ERCC8: variants seen among roughly 807,000 people sequenced by gnomAD.
ERCC8 encodes ERCC excision repair 8, CSA ubiquitin ligase complex subunit.
Under a neutral mutation model 54.9 loss-of-function variants are expected in ERCC8, and 52 were observed. The ratio of observed to expected loss-of-function variants is 0.95; its 90% CI spans 0.76 to 1.19. The LOEUF is 1.19. Ranked by LOEUF, ERCC8 falls within the 50% of genes most tolerant of loss-of-function variation. The pLI is 0.00. For synonymous variants in ERCC8, 146 were observed against 157.2 expected, an observed-to-expected ratio of 0.93 and a Z score of 0.53; for missense variants, 514 against 466.1, an observed-to-expected ratio of 1.10 and a Z score of -0.95.
intron 9 of ERCC8, among the ~76,000 whole-genome samples, chr5:60,895,698 T>C (rs1157888281): frequency 1.3e-5 from 2 of 152,098 alleles, no homozygotes; most frequent in Admixed American, 1.3e-4. Flanking sequence ...GATATGGGGG[T>C]GGGGTGACGA....
At chr5:60,907,739 C>A (rs944523617) in intron 4 of ERCC8, among the ~76,000 whole-genome samples, 1 of 152,282 alleles carries the variant, frequency 6.6e-6, no homozygotes. Flanking sequence ...CATCTTAACA[C>A]CGCTTCCCTA....
intron 2 of ERCC8, among the ~76,000 whole-genome samples, chr5:60,926,686 T>C (rs974665685): frequency 6.6e-6 from 1 of 152,238 alleles, no homozygotes; most frequent in African/African-American, 2.4e-5. Context: ...TTTATTTAGA[T>C]TGATAAAATG....
At chr5:60,903,496 G>T in intron 6 of ERCC8, 152 bp downstream of exon 6, 1 of 1,293,946 alleles carries the variant, frequency 7.7e-7, no homozygotes, top group Non-Finnish European at 1.1e-6. Flanking sequence ...TAAGAATAAT[G>T]CACAGAAGGA....
intron 9 of ERCC8, among the ~76,000 whole-genome samples, chr5:60,894,666 A>C (rs1489480309): frequency 6.6e-6 from 1 of 152,162 alleles, no homozygotes; most frequent in East Asian, 1.9e-4. Flanking sequence ...TACCGAAAAT[A>C]ATCTTCATTT....
intron 11 of ERCC8, among the ~76,000 whole-genome samples, chr5:60,877,117 C>A (rs1026443571): frequency 6.6e-6 from 1 of 152,188 alleles, no homozygotes; most frequent in Non-Finnish European, 1.5e-5. Context: ...GTTATCCCAG[C>A]ACCATTTACT....
At chr5:60,879,577 GGATA>G (rs1748136645) in intron 11 of ERCC8, among the ~76,000 whole-genome samples, 1 of 152,198 alleles carries the variant, frequency 6.6e-6, no homozygotes, top group South Asian at 2.1e-4. Flanking sequence ...TATATATTTA[GGATA>G]GTTAGCTCTT....
At chr5:60,890,667 C>T (rs1296778459) in intron 10 of ERCC8, among the ~76,000 whole-genome samples, 2 of 152,260 alleles carry the variant, frequency 1.3e-5, no homozygotes, top group Admixed American at 6.5e-5. Context: ...GCAAAAGAAA[C>T]AGAATTTATA....
chr5:60,929,107 C>T, intron 1 of ERCC8, 148 bp from the exon 2 acceptor site: 2 of 594,086 alleles, frequency 3.4e-6, no homozygotes, highest in Non-Finnish European at 3.0e-6. Flanking sequence ...GATTTTTAGA[C>T]ATCTTGTATA....
intron 11 of ERCC8, among the ~76,000 whole-genome samples, chr5:60,875,536 T>A (rs183448700): frequency 3.9e-5 from 6 of 152,346 alleles, no homozygotes; most frequent in Admixed American, 3.9e-4. Flanking sequence ...TTTAAGATGG[T>A]CTCATTGTTA....
intron 2 of ERCC8, 33 bp from the exon 3 acceptor site, chr5:60,922,188 TTTTA>T (rs539548460): frequency 1.0e-4 from 139 of 1,370,220 alleles, no homozygotes; most frequent in Admixed American, 4.2e-4. Context: ...TAATTTATCA[TTTTA>T]TTTATTATTT....
Position 60,899,725 on chromosome 5 carries a change from G to C in ERCC8, c.620C>G (p.Ala207Gly). The C allele has an allele frequency of 6.2e-7, 1 of 1,603,084 alleles. No homozygotes were observed. The highest frequency in any genetic ancestry group is 8.5e-7 in the Non-Finnish European group (1 of 1,170,882). ...ATCCCATAATTTTACTCTACTGTCAGCACTGAGAAGAAATAAATGTTACAT... is the reference window on the plus strand; with the variant it reads ...ATCCCATAATTTTACTCTACTGTCACCACTGAGAAGAAATAAATGTTACAT... Reference protein sequence around the residue: ...RYDYILATASADSRVKLWDVR... With the variant: ...RYDYILATASGDSRVKLWDVR... The change falls in exon 8 of 12, where the codon GCT becomes GGT. Residue 207 changes from alanine to glycine, a missense_variant and splice_region_variant. By Grantham distance (60) the Ala-to-Gly change is moderately conservative (BLOSUM62 0). Transcript: ENST00000676185.
intron 4 of ERCC8, among the ~76,000 whole-genome samples, chr5:60,915,002 A>G (rs75465660): frequency 6.6e-6 from 1 of 151,696 alleles, no homozygotes; most frequent in South Asian, 2.1e-4. Context: ...TTGATTTAGG[A>G]TTTTTGTTAT....
At chr5:60,938,060 T>TATAA (rs1750130323) in intron 1 of ERCC8, among the ~76,000 whole-genome samples, 1 of 18,190 alleles carries the variant, frequency 5.5e-5, no homozygotes, top group Non-Finnish European at 1.2e-4. Context: ...TATATATATA[T>TATAA]ATATATATAT....
At chr5:60,938,350 ATTTTTTTT>A (rs1231887020) in intron 1 of ERCC8, among the ~76,000 whole-genome samples, 1 of 41,042 alleles carries the variant, frequency 2.4e-5, no homozygotes, top group African/African-American at 1.1e-4. Context: ...ACCTTTTTGA[ATTTTTTTT>A]TTTTTTTTTT....
Position 60,931,871 on chromosome 5 carries a change from G to A in ERCC8, c.78-2912C>T, listed in dbSNP as rs1023269958. The stretch of plus-strand genomic sequence containing the variant: ...CTAACAGTAAGAAGCATGGCTCCCA[G>A]TAAGAAGCATGGCTCCCATTACTAC... On this transcript the variant is annotated intron_variant, in intron 1 of 11. Coordinates refer to ENST00000676185, the MANE Select transcript of ERCC8 (RefSeq NM_000082.4). Among the ~76,000 whole-genome samples, 11 of 152,202 alleles carry A rather than the reference G, an allele frequency of 7.2e-5. No homozygotes were observed. The South Asian group carries it at 2.3e-3, about 32-fold the overall frequency.
chr5:60,880,485 G>A (rs1262004593), intron 11 of ERCC8, among the ~76,000 whole-genome samples: 6 of 152,234 alleles, frequency 3.9e-5, no homozygotes, highest in East Asian at 1.9e-4. Context: ...CATTCTCCCC[G>A]TCACTTTCAG....
rs1018497378 is a variant in ERCC8, at chr5:60,945,026, G to T, written c.-18C>A. ...CCCAGCATATCGTGTCCTCACACCG[G>T]CTGGAGCACTGGACGTCGCCATGAC... On this transcript the variant is annotated 5_prime_UTR_variant, in exon 1 of 12. Coordinates refer to ENST00000676185, the MANE Select transcript of ERCC8 (RefSeq NM_000082.4). The T allele has an allele frequency of 6.2e-7, 1 of 1,608,960 alleles. No individual in the cohort carries two copies. Among genetic ancestry groups the T allele is most frequent in the Non-Finnish European group, 8.5e-7 (1 of 1,175,314 alleles).
rs1366408606 is a variant in ERCC8, at chr5:60,904,658, A to G, written c.481+134T>C. On this transcript the variant is annotated intron_variant, in intron 5 of 11. Transcript: ENST00000676185. ...TGTATATATATATATATATATATAT[A>G]TATATATATATATATATATATATAT... 35 of 135,762 alleles carry G rather than the reference A, an allele frequency of 2.6e-4. 1 individual carries two copies. Among genetic ancestry groups the G allele is most frequent in the African/African-American group, 1.1e-3 (32 of 28,998 alleles). The allele number at this position is 135,762 out of a possible 1,614,324, so 8.4% of individuals were successfully genotyped here.
chr5:60,896,628 C>T (rs1224441330), intron 9 of ERCC8, among the ~76,000 whole-genome samples: 1 of 152,166 alleles, frequency 6.6e-6, no homozygotes, highest in Non-Finnish European at 1.5e-5. Context: ...CTGGTATCAA[C>T]CGTAAGTATT....
Sources: allele counts gnomAD v4.1 joint callset (sites outside exome capture counted in the v4.1 genomes callset), GRCh38; gene constraint gnomAD v4.1.1; transcripts MANE v1.5; gene names NCBI Gene and HGNC (gene_info 2026-07-23, HGNC 2026-07-21).